ATP10B: variants seen among roughly 807,000 people sequenced by gnomAD.
The protein encoded by ATP10B is ATPase phospholipid transporting 10B (putative).
Under a neutral mutation model 141.2 loss-of-function variants are expected in ATP10B, and 122 were observed. The ratio of observed to expected loss-of-function variants is 0.86; its 90% CI spans 0.75 to 1.00. ATP10B has a LOEUF of 1.00. Ranked by LOEUF, ATP10B falls within the 50% of genes least tolerant of loss-of-function variation. The pLI is 0.00. For synonymous variants in ATP10B, 685 were observed against 692.0 expected (o/e 0.99, Z 0.16); for missense variants, 1,876 against 1,825.3 (o/e 1.03, Z -0.51).
chr5:160,816,852 G>T (rs1044388984), intron 1 of ATP10B, among the ~76,000 whole-genome samples: 1 of 152,256 alleles, frequency 6.6e-6, no homozygotes, highest in East Asian at 1.9e-4. Context: ...TTCAACATAT[G>T]CAAATCAATA....
intron 1 of ATP10B, among the ~76,000 whole-genome samples, 186 bp downstream of exon 1, chr5:160,851,755 C>T (rs1353728866): frequency 2.6e-5 from 4 of 152,036 alleles, no homozygotes; most frequent in South Asian, 2.1e-4. Flanking sequence ...AATCAATTGA[C>T]GAAAAATAAA....
At chr5:160,810,027 A>G (rs1773041583) in intron 1 of ATP10B, among the ~76,000 whole-genome samples, 1 of 152,312 alleles carries the variant, frequency 6.6e-6, no homozygotes, top group South Asian at 2.1e-4. Context: ...GTTGTACATA[A>G]TATTTTGGAT....
the ATP10B span, among the ~76,000 whole-genome samples, chr5:160,874,356 A>G: frequency 1.3e-5 from 2 of 152,178 alleles, no homozygotes; most frequent in Admixed American, 6.5e-5. Flanking sequence ...ACAAACAGAA[A>G]GGACATCCAC....
chr5:160,606,853 G>A lies in ATP10B; in HGVS notation c.3072C>T (p.Ser1024=), dbSNP rs367695623. The change falls in exon 19 of 26, where the codon TCC becomes TCT. Residue 1024 remains serine, a synonymous_variant. Coordinates refer to ENST00000327245, the MANE Select transcript of ATP10B (RefSeq NM_025153.3). ...KFLELTQYCR[S]VLCCRSTPLQ... ...GTGGCGTGGAGCGGCAGCACAGGAC[G>A]GACCGACAATACTGGGTCAATTCCA... 366 of 1,613,954 alleles carry A rather than the reference G, an allele frequency of 2.3e-4. No individual in the cohort carries two copies. The highest frequency in any genetic ancestry group is 2.8e-4 in the Non-Finnish European group (326 of 1,180,008).
intron 2 of ATP10B, among the ~76,000 whole-genome samples, chr5:160,729,526 TAAACA>T (rs1459686699): frequency 1.3e-5 from 2 of 152,128 alleles, no homozygotes; most frequent in African/African-American, 2.4e-5. Context: ...CTAAATAGAC[TAAACA>T]AAACAAAAGG....
chr5:160,871,423 G>T, the ATP10B span, among the ~76,000 whole-genome samples: 2 of 152,126 alleles, frequency 1.3e-5, no homozygotes, highest in African/African-American at 4.8e-5. Context: ...GGTTACATAA[G>T]TTCTTTAGTG....
intron 14 of ATP10B, 46 bp downstream of exon 14, chr5:160,622,348 C>T (rs2032804): frequency 0.79 from 1,215,583 of 1,547,364 alleles, 478,491 homozygotes; most frequent in East Asian, 0.84. Flanking sequence ...GCCTTCTACT[C>T]CTCTACCTCC....
intron 9 of ATP10B, among the ~76,000 whole-genome samples, chr5:160,640,806 A>C (rs926510870): frequency 9.2e-5 from 14 of 152,202 alleles, no homozygotes; most frequent in African/African-American, 3.1e-4. Flanking sequence ...CATGCATGCC[A>C]GACACTGTGG....
At chr5:160,843,546 A>G (rs1775932768) in intron 1 of ATP10B, among the ~76,000 whole-genome samples, 1 of 152,094 alleles carries the variant, frequency 6.6e-6, no homozygotes, top group Admixed American at 6.6e-5. Context: ...CAATTCAAAG[A>G]GCACTTAAGC....
At chr5:160,780,199 CTG>C (rs540173099) in intron 2 of ATP10B, among the ~76,000 whole-genome samples, 38 of 152,154 alleles carry the variant, frequency 2.5e-4, no homozygotes, top group African/African-American at 8.7e-4. Flanking sequence ...GTGAGAGAGA[CTG>C]AGAGTACTGG....
intron 25 of ATP10B, among the ~76,000 whole-genome samples, chr5:160,568,792 A>T (rs1000460384): frequency 6.6e-6 from 1 of 152,174 alleles, no homozygotes; most frequent in Non-Finnish European, 1.5e-5. Context: ...AGTGAGCTCC[A>T]AGGCAAGGCA....
intron 2 of ATP10B, among the ~76,000 whole-genome samples, chr5:160,755,887 T>C (rs1291023638): frequency 3.7e-4 from 51 of 137,420 alleles, no homozygotes; most frequent in Non-Finnish European, 6.4e-4. Flanking sequence ...ATTATAATTT[T>C]ATGGAACCAC....
chr5:160,634,726 TC>T lies in ATP10B; in HGVS notation c.1129-121del, dbSNP rs2127666288. On this transcript the variant is annotated intron_variant, in intron 11 of 25. Coordinates refer to ENST00000327245, the MANE Select transcript of ATP10B (RefSeq NM_025153.3). ...TGAGGTCAGCTCACAGGACAGACTCTCTGTGAAATTAACGGTCAATGACCTC... is the reference window on the plus strand; with the variant it reads ...TGAGGTCAGCTCACAGGACAGACTCTTGTGAAATTAACGGTCAATGACCTC... 1.1e-5 allele frequency: 12 copies of T among 1,075,540 alleles called. No homozygotes were observed. The East Asian group carries it at 2.8e-4, about 25-fold the overall frequency. 66.6% of individuals were successfully genotyped at this position (1,075,540 alleles called of 1,614,324 possible). A position where few individuals can be genotyped will look rare whatever the true frequency, so the allele number is the denominator to read the frequency against.
At chr5:160,799,230 T>C (rs137938929) in intron 1 of ATP10B, among the ~76,000 whole-genome samples, 70 of 152,288 alleles carry the variant, frequency 4.6e-4, no homozygotes, top group African/African-American at 1.6e-3. Context: ...GTCTGTGCCA[T>C]TTGCAGTGTC....
intron 22 of ATP10B, 90 bp downstream of exon 22, chr5:160,598,680 C>A: frequency 8.4e-7 from 1 of 1,189,876 alleles, no homozygotes. Flanking sequence ...CTGACCCCAG[C>A]ATACAGCTCT....
rs1276806899 is a variant in ATP10B at position 160,620,559 on chromosome 5, C to T, written c.2204G>A (p.Ser735Asn). The T allele has an allele frequency of 6.2e-7, 1 of 1,614,028 alleles. No homozygotes were observed. The highest frequency in any genetic ancestry group is 8.5e-7 in the Non-Finnish European group (1 of 1,179,904). ...AALVHAAHAY[S>N]FTLVSRTPEQ... ...AGGTGTCCGGGACACTAGTGTGAAG[C>T]TGTAGGCATGGGCAGCGTGCACCAG... is the stretch of plus-strand genomic sequence containing the variant. Residue 735 changes from serine (S) to asparagine (N), a missense_variant, in exon 15 of 26, where the codon AGC becomes AAC. Transcript: ENST00000327245.
the ATP10B span, among the ~76,000 whole-genome samples, chr5:160,896,011 A>G: frequency 6.6e-6 from 1 of 152,242 alleles, no homozygotes; most frequent in Non-Finnish European, 1.5e-5. Flanking sequence ...GAACAAAGAC[A>G]CTACATACTG....
chr5:160,850,146 C>A (rs1324887277), intron 1 of ATP10B, among the ~76,000 whole-genome samples: 1 of 151,998 alleles, frequency 6.6e-6, no homozygotes, highest in Non-Finnish European at 1.5e-5. Context: ...GCGGTGCTTA[C>A]GCTTGTAATC....
At chr5:160,869,432 GAC>G in the ATP10B span, among the ~76,000 whole-genome samples, 2 of 149,064 alleles carry the variant, frequency 1.3e-5, no homozygotes, top group African/African-American at 4.9e-5. Context: ...CAATACCAGA[GAC>G]AAAAAAAAAA....
Sources: gnomAD v4.1 joint callset for allele counts (sites outside exome capture counted in the v4.1 genomes callset) on GRCh38, gnomAD v4.1.1 for gene constraint, MANE v1.5 for transcripts, NCBI Gene and HGNC (gene_info 2026-07-23, HGNC 2026-07-21) for gene names.